Variants in ANKS1B observed in about 807,000 individuals in gnomAD.
ANKS1B encodes the protein ankyrin repeat and sterile alpha motif domain containing 1B, also known as ankyrin repeat and sterile alpha motif domain-containing protein 1B.
In ANKS1B, 36 loss-of-function variants were observed where a neutral mutation model predicts 148.3. That is an observed-to-expected ratio of 0.24 (90% confidence interval 0.19 to 0.32). The LOEUF (loss-of-function observed/expected upper bound fraction) is 0.32. ANKS1B is among the 10% of genes least tolerant of loss of function. The pLI is 1.00. For synonymous variants in ANKS1B, 542 were observed against 560.8 expected (o/e 0.97, Z 0.47); for missense variants, 1,157 against 1,542.6 (o/e 0.75, Z 4.19).
chr12:98,891,263 T>C (rs551761035), intron 17 of ANKS1B, among the ~76,000 whole-genome samples: 26 of 152,326 alleles, frequency 1.7e-4, no homozygotes, highest in African/African-American at 6.3e-4. Context: ...CAGTACATCT[T>C]TGCTGTGTGA....
intron 10 of ANKS1B, among the ~76,000 whole-genome samples, chr12:99,460,159 A>T (rs924893294): frequency 6.6e-6 from 1 of 152,142 alleles, no homozygotes; most frequent in African/African-American, 2.4e-5. Flanking sequence ...AAAAATATAA[A>T]GTGCATAAAG....
intron 1 of ANKS1B, among the ~76,000 whole-genome samples, chr12:99,983,781 A>G (rs1203110915): frequency 2.0e-5 from 3 of 152,212 alleles, no homozygotes; most frequent in African/African-American, 7.2e-5. Flanking sequence ...CAAATATGTA[A>G]TAAATGTTGA....
rs900768422 is a variant in ANKS1B, at chr12:99,155,714, C to A, written c.2420-1319G>T. Among the ~76,000 whole-genome samples the A allele has an allele frequency of 3.3e-5, 5 of 152,166 alleles. No individual in the cohort carries two copies. In the South Asian group the frequency reaches 6.2e-4, roughly 19 times the overall value. ...ACTAGATCATCAGAAGAAACAGACTCTTAAGATTGGGAGAGAACTTGCAGA... is the reference window on the plus strand; with the variant it reads ...ACTAGATCATCAGAAGAAACAGACTATTAAGATTGGGAGAGAACTTGCAGA... On this transcript the variant is annotated intron_variant, in intron 14 of 26. Transcript: ENST00000683438.
In ANKS1B at chr12:99,599,377, AG is replaced by A. The variant is rs2097782758; in HGVS notation, c.1272+55689del. Among the ~76,000 whole-genome samples, 7 of 152,220 alleles carry A rather than the reference AG, an allele frequency of 4.6e-5. No homozygotes were observed. In the South Asian group the frequency reaches 1.5e-3, roughly 32 times the overall value. Reference sequence around the variant, plus strand: ...ATAGAAGAAACTAAAAGAGGCTAGCAGGTCAGCAGGGACCAGATGATGATGA... The same window carrying A: ...ATAGAAGAAACTAAAAGAGGCTAGCAGTCAGCAGGGACCAGATGATGATGA... On this transcript the variant is annotated intron_variant, in intron 9 of 26. Transcript: ENST00000683438.
At chr12:99,597,465 A>T (rs1321786621) in intron 9 of ANKS1B, among the ~76,000 whole-genome samples, 1 of 152,054 alleles carries the variant, frequency 6.6e-6, no homozygotes. Flanking sequence ...TGTACTTCTG[A>T]TCTTTAAAGC....
chr12:98,945,572 G>A (rs1215506481), intron 17 of ANKS1B, among the ~76,000 whole-genome samples: 2 of 142,472 alleles, frequency 1.4e-5, no homozygotes, highest in African/African-American at 5.5e-5. Flanking sequence ...AGAACTAGCA[G>A]CATTTCATAT....
intron 10 of ANKS1B, among the ~76,000 whole-genome samples, chr12:99,464,680 C>G (rs991043685): frequency 8.6e-5 from 13 of 151,686 alleles, no homozygotes; most frequent in African/African-American, 1.9e-4. Context: ...TCAACTGGAA[C>G]AAAGGGTATC....
At chr12:99,278,616 A>G (rs2077992617) in intron 12 of ANKS1B, among the ~76,000 whole-genome samples, 1 of 152,162 alleles carries the variant, frequency 6.6e-6, no homozygotes, top group Non-Finnish European at 1.5e-5. Context: ...CTCCTCCAAG[A>G]AGACTTTGAA....
chr12:99,759,941 G>T (rs1242723112), intron 8 of ANKS1B, among the ~76,000 whole-genome samples: 1 of 121,118 alleles, frequency 8.3e-6, no homozygotes, highest in Non-Finnish European at 1.8e-5. Flanking sequence ...ATTATAAAGA[G>T]ATTAGAAAGA....
chr12:99,918,627 T>C (rs1288977920), intron 1 of ANKS1B, among the ~76,000 whole-genome samples: 5 of 152,186 alleles, frequency 3.3e-5, no homozygotes, highest in Admixed American at 2.6e-4. Flanking sequence ...AATTATCTGT[T>C]TTTAAAGTTC....
At chr12:99,687,282 T>G (rs1182371137) in intron 8 of ANKS1B, among the ~76,000 whole-genome samples, 1 of 152,166 alleles carries the variant, frequency 6.6e-6, no homozygotes, top group Non-Finnish European at 1.5e-5. Context: ...ATCACTGATT[T>G]TCAATAATTT....
downstream of ANKS1B, among the ~76,000 whole-genome samples, chr12:98,743,202 G>C (rs144207256): frequency 1.0e-3 from 152 of 152,154 alleles, no homozygotes; most frequent in African/African-American, 3.6e-3. Flanking sequence ...CCTGTCTTCT[G>C]CTCCATCTTA....
intron 19 of ANKS1B, among the ~76,000 whole-genome samples, chr12:98,827,381 C>A (rs976272093): frequency 6.6e-6 from 1 of 152,176 alleles, no homozygotes; most frequent in African/African-American, 2.4e-5. Flanking sequence ...CATGCGTGCA[C>A]AGGTGCTCTA....
At chr12:99,154,010 G>C (rs2075611643) in intron 15 of ANKS1B, among the ~76,000 whole-genome samples, 1 of 152,096 alleles carries the variant, frequency 6.6e-6, no homozygotes, top group Admixed American at 6.6e-5. Flanking sequence ...ATGACAGGGA[G>C]AATATCAATA....
chr12:99,606,286 C>G (rs1597981093), intron 9 of ANKS1B, among the ~76,000 whole-genome samples: 1 of 151,978 alleles, frequency 6.6e-6, no homozygotes, highest in East Asian at 1.9e-4. Flanking sequence ...ATAACATAAG[C>G]ATTTTTCCTA....
At chr12:98,942,962 G>A (rs990759203) in intron 17 of ANKS1B, among the ~76,000 whole-genome samples, 2 of 152,148 alleles carry the variant, frequency 1.3e-5, no homozygotes, top group South Asian at 4.1e-4. Flanking sequence ...ATAGTGAGGA[G>A]TTCAAATGAG....
At chr12:98,742,047 A>C (rs1029442755), downstream of ANKS1B, among the ~76,000 whole-genome samples, 3 of 151,720 alleles carry the variant, frequency 2.0e-5, no homozygotes, top group African/African-American at 7.3e-5. Flanking sequence ...ATCTGACTCC[A>C]TCTCTTGCTC....
chr12:99,621,692 A>C (rs544736089), intron 9 of ANKS1B, among the ~76,000 whole-genome samples: 2 of 152,070 alleles, frequency 1.3e-5, no homozygotes, highest in African/African-American at 4.8e-5. Context: ...GGTTCAATTC[A>C]TGAGAAGACT....
chr12:99,948,648 C>T (rs1333442465), intron 1 of ANKS1B, among the ~76,000 whole-genome samples: 1 of 152,082 alleles, frequency 6.6e-6, no homozygotes, highest in Non-Finnish European at 1.5e-5. Context: ...TGGCTTAGTT[C>T]CCATCAAAGG....
Sources: allele counts gnomAD v4.1 joint callset (sites outside exome capture counted in the v4.1 genomes callset), GRCh38; gene constraint gnomAD v4.1.1; transcripts MANE v1.5; gene names NCBI Gene and HGNC (gene_info 2026-07-23, HGNC 2026-07-21).